The following MCPH1 variants were observed in gnomAD, a reference collection of about 807,000 sequenced individuals.
The protein encoded by MCPH1 is microcephalin 1, also known as microcephalin.
A neutral mutation model predicts 84.5 loss-of-function variants in MCPH1; 104 were observed. That is an observed-to-expected ratio of 1.23 (90% CI 1.05 to 1.45). MCPH1 has a LOEUF of 1.45. MCPH1 is among the 40% of genes most tolerant of loss of function. The pLI is 0.00. For missense variants in MCPH1, 1,498 were observed against 1,005.7 expected (o/e 1.49, Z -6.62); for synonymous variants, 514 against 366.8 (o/e 1.40, Z -4.58).
intron 9 of MCPH1, among the ~76,000 whole-genome samples, chr8:6,456,728 G>A (rs996742273): frequency 1.3e-5 from 2 of 150,622 alleles, no homozygotes; most frequent in African/African-American, 2.5e-5. Context: ...AAAATACTCC[G>A]TCCTGTCTGA....
chr8:6,477,890 C>G (rs528807290), intron 10 of MCPH1, among the ~76,000 whole-genome samples: 113 of 152,282 alleles, frequency 7.4e-4, no homozygotes, highest in African/African-American at 2.6e-3. Flanking sequence ...TGCTTGATAC[C>G]AAATAGCTTC....
chr8:6,576,547 C>T (rs1278810065), intron 12 of MCPH1, among the ~76,000 whole-genome samples: 3 of 141,926 alleles, frequency 2.1e-5, no homozygotes, highest in South Asian at 4.9e-4. Context: ...CTCCCTCTGT[C>T]CCCCAGGCTG....
chr8:6,563,137 G>A, intron 12 of MCPH1: 1 of 505,072 alleles, frequency 2.0e-6, no homozygotes, highest in South Asian at 2.8e-5. Context: ...TAAACTGTCA[G>A]ATTGCAGTGG....
chr8:6,419,223 T>C (rs905128611), intron 3 of MCPH1, among the ~76,000 whole-genome samples: 1 of 151,804 alleles, frequency 6.6e-6, no homozygotes, highest in Non-Finnish European at 1.5e-5. Flanking sequence ...TGACAGTATT[T>C]GTTTTTGTTT....
intron 9 of MCPH1, chr8:6,473,729 C>T: frequency 5.9e-6 from 3 of 511,030 alleles, no homozygotes; most frequent in South Asian, 8.6e-5. Flanking sequence ...TACTATCCGC[C>T]TGCTGGTCCT....
intron 12 of MCPH1, among the ~76,000 whole-genome samples, chr8:6,518,344 G>A (rs1816692148): frequency 6.6e-6 from 1 of 152,212 alleles, no homozygotes; most frequent in South Asian, 2.1e-4. Context: ...GAAAGGCTTA[G>A]CCTAGAGTCT....
At chr8:6,512,015 G>A (rs1815232306) in intron 12 of MCPH1, among the ~76,000 whole-genome samples, 1 of 151,142 alleles carries the variant, frequency 6.6e-6, no homozygotes, top group Non-Finnish European at 1.5e-5. Context: ...ATTCATTGAA[G>A]TTTTGATCTC....
At chr8:6,563,493 A>G (rs909952680) in intron 12 of MCPH1, 1 of 152,512 alleles carries the variant, frequency 6.6e-6, no homozygotes, top group Admixed American at 6.5e-5. Flanking sequence ...CCAATTAAGT[A>G]TTTCCTAGAG....
chr8:6,627,368 T>TC, intron 13 of MCPH1: 1 of 876,910 alleles, frequency 1.1e-6, no homozygotes, highest in Non-Finnish European at 1.4e-6. Context: ...CCAGCCCCTC[T>TC]CCTCCAAGGA....
At chr8:6,426,803 A>C (rs1210789542) in intron 3 of MCPH1, among the ~76,000 whole-genome samples, 1 of 152,138 alleles carries the variant, frequency 6.6e-6, no homozygotes, top group Admixed American at 6.6e-5. Context: ...CCATTCAAGC[A>C]GATGTGTAGT....
In MCPH1 at chr8:6,520,985, G is replaced by T. The variant is rs553855232; in HGVS notation, c.2214+21056G>T. Reference sequence around the variant, plus strand: ...TGCCATGAATCAAAAGTATGCTTGGGGTGTTTGCTTCATAATAATTAGTAT... The same window carrying T: ...TGCCATGAATCAAAAGTATGCTTGGTGTGTTTGCTTCATAATAATTAGTAT... On this transcript the variant is annotated intron_variant, in intron 12 of 13. Coordinates refer to ENST00000344683, the MANE Select transcript of MCPH1 (RefSeq NM_024596.5). Among the ~76,000 whole-genome samples, 3 of 152,102 alleles carry T rather than the reference G, an allele frequency of 2.0e-5. No homozygotes were observed. In the East Asian group the frequency reaches 5.8e-4, roughly 29 times the overall value.
chr8:6,492,701 A>C (rs778730074), intron 11 of MCPH1, among the ~76,000 whole-genome samples: 1 of 146,742 alleles, frequency 6.8e-6, no homozygotes, highest in African/African-American at 2.5e-5. Flanking sequence ...AAATTTTTTT[A>C]AAAATAAATA....
chr8:6,412,012 G>C (rs1294740418), intron 2 of MCPH1, among the ~76,000 whole-genome samples: 6 of 152,142 alleles, frequency 3.9e-5, no homozygotes, highest in Non-Finnish European at 2.9e-5. Flanking sequence ...CGAAGGCAGG[G>C]CTAGGTTAGG....
At chr8:6,520,394 C>T (rs950874651) in intron 12 of MCPH1, among the ~76,000 whole-genome samples, 1 of 152,128 alleles carries the variant, frequency 6.6e-6, no homozygotes. Flanking sequence ...TTATCTGTAT[C>T]ATGACCCCAT....
intron 12 of MCPH1, among the ~76,000 whole-genome samples, chr8:6,582,237 C>G (rs143755588): frequency 2.6e-4 from 39 of 152,324 alleles, no homozygotes; most frequent in African/African-American, 7.5e-4. Context: ...TTTAGAATTA[C>G]GCCTTGCATA....
At chr8:6,506,939 C>A (rs1813848305) in intron 12 of MCPH1, among the ~76,000 whole-genome samples, 1 of 151,752 alleles carries the variant, frequency 6.6e-6, no homozygotes, top group Non-Finnish European at 1.5e-5. Flanking sequence ...CTCTTGTCGT[C>A]CAGGCTGGAT....
At chr8:6,450,337 G>A (rs901747128) in intron 8 of MCPH1, among the ~76,000 whole-genome samples, 1 of 151,906 alleles carries the variant, frequency 6.6e-6, no homozygotes, top group Admixed American at 6.6e-5. Flanking sequence ...CTTTAGTGCA[G>A]TGTCCATACT....
intron 4 of MCPH1, among the ~76,000 whole-genome samples, chr8:6,433,211 T>A (rs958988849): frequency 2.6e-5 from 4 of 152,240 alleles, no homozygotes; most frequent in Non-Finnish European, 5.9e-5. Flanking sequence ...TGTCAGTTTT[T>A]GCTAAGTATA....
intron 12 of MCPH1, among the ~76,000 whole-genome samples, chr8:6,528,830 C>T (rs187934140): frequency 7.2e-5 from 11 of 152,340 alleles, no homozygotes; most frequent in African/African-American, 2.4e-4. Context: ...GGCTGGTCCA[C>T]AGCGTGGGTT....
Sources: gnomAD v4.1 joint callset for allele counts (sites outside exome capture counted in the v4.1 genomes callset) on GRCh38, gnomAD v4.1.1 for gene constraint, MANE v1.5 for transcripts, NCBI Gene and HGNC (gene_info 2026-07-23, HGNC 2026-07-21) for gene names.